The following FILIP1 variants were observed in gnomAD, a reference collection of about 807,000 sequenced individuals.
The protein encoded by FILIP1 is filamin A interacting protein 1, also known as filamin-A-interacting protein 1.
In FILIP1, 61 loss-of-function variants were observed where a neutral mutation model predicts 102.1. The observed-to-expected ratio is 0.60, with a 90% CI of 0.49 to 0.74. The LOEUF (loss-of-function observed/expected upper bound fraction) is 0.74. Ranked by LOEUF, FILIP1 falls within the 30% of genes least tolerant of loss-of-function variation. FILIP1 has a pLI of 0.00. For synonymous variants in FILIP1, 491 were observed against 526.9 expected (o/e 0.93, Z 0.93); for missense variants, 1,314 against 1,441.2 (o/e 0.91, Z 1.43).
At position 75,394,596 on chromosome 6, in the gene FILIP1, A is replaced by G. The variant is rs1776400240; in HGVS notation, c.276+20101T>C. Reference sequence around the variant, plus strand: ...GCTCTCATTAATCAATAAAAGACCAACAATTCAATGGAAAAACAGGCAAAG... The same window carrying G: ...GCTCTCATTAATCAATAAAAGACCAGCAATTCAATGGAAAAACAGGCAAAG... On this transcript the variant is annotated intron_variant, in intron 2 of 5. Transcript: ENST00000237172. Among the ~76,000 whole-genome samples, 4 of 152,332 alleles carry G rather than the reference A, an allele frequency of 2.6e-5. No individual in the cohort carries two copies. The South Asian group carries it at 6.2e-4, about 24-fold the overall frequency.
chr6:75,372,519 TACTC>T (rs1775557934), intron 2 of FILIP1, among the ~76,000 whole-genome samples: 2 of 149,968 alleles, frequency 1.3e-5, no homozygotes, highest in African/African-American at 4.9e-5. Context: ...CATGAAAAGA[TACTC>T]AATATCACAA....
intron 2 of FILIP1, among the ~76,000 whole-genome samples, chr6:75,372,695 G>GAA (rs1554204888): frequency 4.0e-3 from 114 of 28,288 alleles, no homozygotes; most frequent in South Asian, 0.02. Flanking sequence ...GAGAAAGAAA[G>GAA]AGAAAGAAAG....
intron 2 of FILIP1, chr6:75,398,826 C>T (rs1402857150): frequency 6.9e-6 from 1 of 144,672 alleles, no homozygotes; most frequent in Non-Finnish European, 1.5e-5. Flanking sequence ...CAGCAAAATG[C>T]TCCTAACTTA....
chr6:75,391,224 A>C (rs527822145), intron 2 of FILIP1, among the ~76,000 whole-genome samples: 58 of 151,904 alleles, frequency 3.8e-4, no homozygotes, highest in Non-Finnish European at 7.2e-4. Flanking sequence ...AATTGCATAC[A>C]CCCTTAATGT....
chr6:75,301,412 T>A (rs1046889697), intron 6 of FILIP1, among the ~76,000 whole-genome samples: 7 of 152,216 alleles, frequency 4.6e-5, no homozygotes, highest in African/African-American at 1.2e-4. Flanking sequence ...GGCCTTATCA[T>A]TAATAAGATG....
intron 3 of FILIP1, among the ~76,000 whole-genome samples, chr6:75,359,900 GA>G (rs749541039): frequency 1.3e-5 from 2 of 152,134 alleles, no homozygotes; most frequent in Non-Finnish European, 2.9e-5. Flanking sequence ...AAAGATCAAA[GA>G]GGTCTTAAAT....
chr6:75,464,245 G>A (rs1779105236), intron 1 of FILIP1, among the ~76,000 whole-genome samples: 1 of 152,062 alleles, frequency 6.6e-6, no homozygotes, highest in South Asian at 2.1e-4. Context: ...TTTCTTTCCA[G>A]TGACTAAAAA....
At chr6:75,459,402 G>C (rs1263464713) in intron 1 of FILIP1, among the ~76,000 whole-genome samples, 1 of 152,080 alleles carries the variant, frequency 6.6e-6, no homozygotes. Flanking sequence ...TAACTAAGGA[G>C]TACTCATCCT....
intron 1 of FILIP1, among the ~76,000 whole-genome samples, chr6:75,467,151 A>G (rs1250729481): frequency 6.6e-6 from 1 of 152,224 alleles, no homozygotes; most frequent in African/African-American, 2.4e-5. Context: ...TTTATCCTCT[A>G]AATCCAACAG....
At chr6:75,378,778 T>C (rs1204159835) in intron 2 of FILIP1, among the ~76,000 whole-genome samples, 1 of 152,168 alleles carries the variant, frequency 6.6e-6, no homozygotes. Context: ...CAAATCAAGT[T>C]GGACAAATAT....
intron 1 of FILIP1, among the ~76,000 whole-genome samples, chr6:75,449,088 T>A (rs1778534458): frequency 1.3e-5 from 2 of 152,078 alleles, no homozygotes; most frequent in Non-Finnish European, 2.9e-5. Flanking sequence ...CAAATGCCCA[T>A]CAATCAACAA....
intron 1 of FILIP1, among the ~76,000 whole-genome samples, chr6:75,477,299 T>C (rs1204540547): frequency 6.6e-6 from 1 of 151,698 alleles, no homozygotes; most frequent in African/African-American, 2.4e-5. Context: ...GGAATGGGAG[T>C]TGTTGATTAA....
chr6:75,314,670 G>T lies in FILIP1; in HGVS notation c.1162C>A (p.Leu388Ile). The change falls in exon 5 of 6, where the codon CTT becomes ATT. Residue 388 changes from leucine to isoleucine, a missense_variant. This residue lies in a region of FILIP1 where 494 missense variants were observed against 511.2 expected (regional missense o/e 0.97). Transcript: ENST00000237172. ...TCCTCATCTTTACCTTCCATTTCAA[G>T]CACACGCTTTCGAAGATTTTCCACT... ...AEVENLRKRV[L>I]EMEGKDEEIT... 1 of 1,613,686 alleles carries T rather than the reference G, an allele frequency of 6.2e-7. No homozygotes were observed. Among genetic ancestry groups the T allele is most frequent in the African/African-American group, 1.3e-5 (1 of 74,966 alleles).
At chr6:75,455,668 A>T (rs1778805983) in intron 1 of FILIP1, among the ~76,000 whole-genome samples, 1 of 152,194 alleles carries the variant, frequency 6.6e-6, no homozygotes, top group Non-Finnish European at 1.5e-5. Flanking sequence ...CCTCAAGGTC[A>T]TGCCATTCCC....
At chr6:75,382,133 A>C (rs950500294) in intron 2 of FILIP1, among the ~76,000 whole-genome samples, 1 of 152,182 alleles carries the variant, frequency 6.6e-6, no homozygotes, top group Non-Finnish European at 1.5e-5. Flanking sequence ...TTGGCTTCTC[A>C]TGGTCTTGCC....
chr6:75,365,185 G>A (rs1775288670), intron 2 of FILIP1, among the ~76,000 whole-genome samples: 1 of 150,950 alleles, frequency 6.6e-6, no homozygotes, highest in Non-Finnish European at 1.5e-5. Flanking sequence ...AGAATGTACT[G>A]TCCTTTGAAA....
At chr6:75,377,886 T>G (rs557799232) in intron 2 of FILIP1, among the ~76,000 whole-genome samples, 1 of 152,364 alleles carries the variant, frequency 6.6e-6, no homozygotes, top group South Asian at 2.1e-4. Flanking sequence ...AATCTCTCCA[T>G]GGTTCAGATT....
At chr6:75,299,028 T>C (rs1336600945) in intron 6 of FILIP1, among the ~76,000 whole-genome samples, 1 of 151,982 alleles carries the variant, frequency 6.6e-6, no homozygotes, top group South Asian at 2.1e-4. Flanking sequence ...ATTAAATAAA[T>C]TTTTAAAAAT....
intron 2 of FILIP1, among the ~76,000 whole-genome samples, chr6:75,363,601 G>A (rs761104438): frequency 1.3e-5 from 2 of 152,170 alleles, no homozygotes; most frequent in East Asian, 1.9e-4. Context: ...TTAGCACAAC[G>A]TATTGCTGAA....
Sources: gnomAD v4.1 joint callset for allele counts (sites outside exome capture counted in the v4.1 genomes callset) on GRCh38, gnomAD v4.1.1 for gene constraint, gnomAD v4.1.1 regional missense constraint, MANE v1.5 for transcripts, NCBI Gene and HGNC (gene_info 2026-07-23, HGNC 2026-07-21) for gene names.